KCNN3: variants seen among roughly 807,000 people sequenced by gnomAD.
KCNN3 encodes potassium calcium-activated channel subfamily N member 3.
A neutral mutation model predicts 62.9 loss-of-function variants in KCNN3; 16 were observed. The observed-to-expected ratio is 0.25, with a 90% CI of 0.17 to 0.39. The LOEUF is 0.39. Among genes scored for constraint, KCNN3 ranks in the 10% least tolerant of loss-of-function variants. The probability of loss-of-function intolerance (pLI) is 1.00; values close to 1 mark genes in which losing one functional copy is unlikely to be tolerated. For synonymous variants in KCNN3, 370 were observed against 389.2 expected (o/e 0.95, Z 0.58); for missense variants, 599 against 949.4 (o/e 0.63, Z 4.85).
chr1:154,849,662 C>A (rs540206262), intron 1 of KCNN3, among the ~76,000 whole-genome samples: 12 of 152,332 alleles, frequency 7.9e-5, no homozygotes, highest in Non-Finnish European at 1.6e-4. Context: ...ACAGAGGCAG[C>A]CCCCTTGGGA....
chr1:154,771,944 C>T (rs1172832189), intron 3 of KCNN3, 31 bp downstream of exon 3: 9 of 1,608,704 alleles, frequency 5.6e-6, no homozygotes, highest in Admixed American at 3.3e-5. Context: ...CCAGCACAGG[C>T]TCTGTACTCA....
chr1:154,770,541 T>C (rs1648502683), intron 3 of KCNN3, among the ~76,000 whole-genome samples: 1 of 152,192 alleles, frequency 6.6e-6, no homozygotes, highest in Non-Finnish European at 1.5e-5. Context: ...CTACCAGGAT[T>C]TGTGTAAATT....
chr1:154,700,894 T>A lies in KCNN3; in HGVS notation c.*7082A>T, dbSNP rs1699840713. On this transcript the variant is annotated 3_prime_UTR_variant, in exon 8 of 8. Coordinates refer to ENST00000271915, the MANE Select transcript of KCNN3 (RefSeq NM_002249.6). ...AAATCAATTACCACCAATACATTCA[T>A]CAGTCAATTGTAAAATTGAAAATAA... is the stretch of plus-strand genomic sequence containing the variant. The A allele has an allele frequency of 2.0e-5, 3 of 152,146 alleles. No homozygotes were observed. Among genetic ancestry groups the A allele is most frequent in the African/African-American group, 7.2e-5 (3 of 41,432 alleles). The allele number at this position is 152,146 out of a possible 1,614,324, so 9.4% of individuals were successfully genotyped here. A position where few individuals can be genotyped will look rare whatever the true frequency, so the allele number is the denominator to read the frequency against.
At chr1:154,727,152 G>T (rs1225883738) in intron 4 of KCNN3, among the ~76,000 whole-genome samples, 1 of 152,220 alleles carries the variant, frequency 6.6e-6, no homozygotes, top group African/African-American at 2.4e-5. Flanking sequence ...ATCGCCCTCT[G>T]CCTGCATGCT....
chr1:154,802,200 C>G (rs988074457), intron 2 of KCNN3, among the ~76,000 whole-genome samples: 1 of 152,188 alleles, frequency 6.6e-6, no homozygotes, highest in Non-Finnish European at 1.5e-5. Flanking sequence ...GTTTAAACAA[C>G]TAGTCCAACA....
intron 2 of KCNN3, among the ~76,000 whole-genome samples, chr1:154,820,685 A>C (rs1650854879): frequency 6.6e-6 from 1 of 152,194 alleles, no homozygotes; most frequent in South Asian, 2.1e-4. Flanking sequence ...GTTAAAGTCC[A>C]CCACTCTGTC....
chr1:154,762,473 T>C (rs1648062365), intron 3 of KCNN3, among the ~76,000 whole-genome samples: 1 of 152,264 alleles, frequency 6.6e-6, no homozygotes, highest in African/African-American at 2.4e-5. Context: ...TCCTTTGTAG[T>C]TGGCCTTATC....
chr1:154,835,140 G>A (rs987063297), intron 1 of KCNN3, among the ~76,000 whole-genome samples: 2 of 152,194 alleles, frequency 1.3e-5, no homozygotes, highest in African/African-American at 4.8e-5. Context: ...TTGTTGTGAG[G>A]AAGAGCAGAT....
intron 2 of KCNN3, among the ~76,000 whole-genome samples, chr1:154,791,943 A>T (rs1649537177): frequency 3.3e-5 from 5 of 152,244 alleles, no homozygotes; most frequent in Non-Finnish European, 7.3e-5. Context: ...CCCTGTCTGT[A>T]AAAGCATCCT....
chr1:154,735,229 G>A (rs1409164033), intron 3 of KCNN3, among the ~76,000 whole-genome samples: 1 of 152,150 alleles, frequency 6.6e-6, no homozygotes, highest in Non-Finnish European at 1.5e-5. Context: ...GGACAGAGAC[G>A]CAGGCCACAG....
In KCNN3 at chr1:154,721,921, G is replaced by A. The variant is rs182044460; in HGVS notation, c.1701+3995C>T. On this transcript the variant is annotated intron_variant, in intron 5 of 7. Transcript: ENST00000271915. ...AGAATAACAATGGCAGTGACACTGC[G>A]AAGTCAGTGTGGGAAGATCTGATTG... Among the ~76,000 whole-genome samples the A allele has an allele frequency of 1.6e-3, 242 of 151,744 alleles. 1 individual carries two copies. The highest frequency in any genetic ancestry group is 5.1e-3 in the African/African-American group (209 of 41,290).
At chr1:154,744,992 T>C (rs1203385227) in intron 3 of KCNN3, among the ~76,000 whole-genome samples, 2 of 151,658 alleles carry the variant, frequency 1.3e-5, no homozygotes, top group East Asian at 1.9e-4. Context: ...TCTTAAAATG[T>C]AAAATAAATG....
At chr1:154,771,030 C>T (rs1373713347) in intron 3 of KCNN3, among the ~76,000 whole-genome samples, 1 of 151,506 alleles carries the variant, frequency 6.6e-6, no homozygotes, top group Non-Finnish European at 1.5e-5. Context: ...GCACTCCAGC[C>T]TGGGCGAGAG....
intron 2 of KCNN3, among the ~76,000 whole-genome samples, chr1:154,786,293 CA>C (rs199725148): frequency 5.3e-5 from 8 of 152,108 alleles, no homozygotes; most frequent in East Asian, 3.8e-4. Context: ...CCTCCTAAGG[CA>C]AAAGAGTCTT....
intron 2 of KCNN3, among the ~76,000 whole-genome samples, chr1:154,791,628 A>G (rs1649522454): frequency 6.6e-6 from 1 of 152,214 alleles, no homozygotes; most frequent in Admixed American, 6.5e-5. Context: ...CCATTCCTCA[A>G]AGGAACCTCG....
chr1:154,818,228 C>G (rs1265105625), intron 2 of KCNN3, among the ~76,000 whole-genome samples: 1 of 152,162 alleles, frequency 6.6e-6, no homozygotes, highest in African/African-American at 2.4e-5. Context: ...GGGTGGGGTG[C>G]CATCTTCCAA....
At chr1:154,814,264 G>GTCAT (rs567781065) in intron 2 of KCNN3, among the ~76,000 whole-genome samples, 78 of 152,266 alleles carry the variant, frequency 5.1e-4, no homozygotes, top group Non-Finnish European at 7.8e-4. Context: ...CCCCAGTTTT[G>GTCAT]TCATTCATTC....
chr1:154,867,863 A>C (rs923824038), intron 1 of KCNN3: 1 of 762,330 alleles, frequency 1.3e-6, no homozygotes, highest in Non-Finnish European at 1.6e-6. Context: ...TCGTGGAGCC[A>C]CTTGTCCACC....
chr1:154,760,501 C>T (rs925456094), intron 3 of KCNN3, among the ~76,000 whole-genome samples: 9 of 152,054 alleles, frequency 5.9e-5, no homozygotes, highest in African/African-American at 2.2e-4. Context: ...TGAAGCCGCT[C>T]CGGCTGTCGC....
Sources: gnomAD v4.1 joint callset for allele counts (sites outside exome capture counted in the v4.1 genomes callset) on GRCh38, gnomAD v4.1.1 for gene constraint, MANE v1.5 for transcripts, NCBI Gene and HGNC (gene_info 2026-07-23, HGNC 2026-07-21) for gene names.